The following WDR70 variants were observed in gnomAD, a reference collection of about 807,000 sequenced individuals.
WDR70 encodes the protein WD repeat-containing protein 70.
A neutral mutation model predicts 88.6 loss-of-function variants in WDR70; 53 were observed. That is an observed-to-expected ratio of 0.60 (90% CI 0.48 to 0.75). The LOEUF (loss-of-function observed/expected upper bound fraction) is 0.75, where lower values mean the gene tolerates loss of function less well. Ranked by LOEUF, WDR70 falls within the 30% of genes least tolerant of loss-of-function variation. The probability of loss-of-function intolerance (pLI) is 0.00; values close to 1 mark genes in which losing one functional copy is unlikely to be tolerated. For synonymous variants in WDR70, 280 were observed against 270.0 expected (o/e 1.04, Z -0.36); for missense variants, 610 against 823.2 (o/e 0.74, Z 3.17).
intron 5 of WDR70, among the ~76,000 whole-genome samples, chr5:37,418,243 A>G (rs897159917): frequency 1.3e-5 from 2 of 152,160 alleles, no homozygotes; most frequent in Admixed American, 1.3e-4. Context: ...GATTAAATAA[A>G]CCTTGACCTA....
intron 17 of WDR70, among the ~76,000 whole-genome samples, chr5:37,731,266 T>G (rs1012933796): frequency 3.9e-5 from 6 of 152,304 alleles, no homozygotes; most frequent in Admixed American, 6.5e-5. Flanking sequence ...CTAAAAGGAT[T>G]TGAGGCAATC....
intron 10 of WDR70, among the ~76,000 whole-genome samples, chr5:37,666,325 A>T (rs928026154): frequency 5.9e-5 from 9 of 152,306 alleles, no homozygotes; most frequent in Non-Finnish European, 1.3e-4. Context: ...GTGATATCAT[A>T]TAAAGGGCAA....
intron 10 of WDR70, among the ~76,000 whole-genome samples, chr5:37,665,023 A>G (rs1480290736): frequency 6.6e-6 from 1 of 152,212 alleles, no homozygotes; most frequent in Non-Finnish European, 1.5e-5. Context: ...TCTTTTGTTC[A>G]TATTGTCAAG....
chr5:37,418,411 C>T (rs1749827947), intron 5 of WDR70, among the ~76,000 whole-genome samples: 1 of 152,124 alleles, frequency 6.6e-6, no homozygotes, highest in South Asian at 2.1e-4. Context: ...GCTCCGCCTC[C>T]CGGGTTCATG....
At chr5:37,690,997 A>G (rs556900006) in intron 10 of WDR70, among the ~76,000 whole-genome samples, 1 of 152,330 alleles carries the variant, frequency 6.6e-6, no homozygotes, top group African/African-American at 2.4e-5. Flanking sequence ...ATGAAGAGAC[A>G]CACATAGGCT....
At position 37,391,543 on chromosome 5, in the gene WDR70, T is replaced by C. The variant is rs568951127; in HGVS notation, c.176-457T>C. On this transcript the variant is annotated intron_variant, in intron 3 of 17. Transcript: ENST00000265107. ...TTTGTTTTTCTGTGAGTGGTCTGTC[T>C]CACTTAGCATAGTGTCCTCAAGGTT... is the stretch of plus-strand genomic sequence containing the variant. Among the ~76,000 whole-genome samples, 7 of 152,366 alleles carry C rather than the reference T, an allele frequency of 4.6e-5. No individual in the cohort carries two copies. The South Asian group carries it at 1.4e-3, about 32-fold the overall frequency.
chr5:37,536,790 T>C (rs986427132), intron 9 of WDR70, among the ~76,000 whole-genome samples: 2 of 152,152 alleles, frequency 1.3e-5, no homozygotes, highest in African/African-American at 4.8e-5. Context: ...TTCTGCTCTA[T>C]TTAGGAATTT....
rs1016730688 is a variant in WDR70 at position 37,745,900 on chromosome 5, G to A, written c.1878-6586G>A. Among the ~76,000 whole-genome samples the A allele has an allele frequency of 2.2e-4, 34 of 152,112 alleles. 1 individual carries two copies. The highest frequency in any genetic ancestry group is 7.4e-5 in the Non-Finnish European group (5 of 68,018). ...AAATTAACAAGGAAATTCAGGACTTGAACTCAGCTCTCGATCAAATGGACC... is the reference window on the plus strand; with the variant it reads ...AAATTAACAAGGAAATTCAGGACTTAAACTCAGCTCTCGATCAAATGGACC... On this transcript the variant is annotated intron_variant, in intron 17 of 17. Coordinates refer to ENST00000265107, the MANE Select transcript of WDR70 (RefSeq NM_018034.4).
chr5:37,438,870 T>C (rs1581278203), intron 6 of WDR70, among the ~76,000 whole-genome samples: 1 of 151,630 alleles, frequency 6.6e-6, no homozygotes, highest in African/African-American at 2.4e-5. Context: ...GTGATACATA[T>C]AACTCACATA....
At chr5:37,481,709 T>C (rs12188658) in intron 8 of WDR70, among the ~76,000 whole-genome samples, 33,065 of 152,140 alleles carry the variant, frequency 0.22, 4,340 homozygotes, top group East Asian at 0.48. Context: ...TGATTAACAT[T>C]TGGCTCCTCA....
At chr5:37,504,318 C>T (rs944663415) in intron 8 of WDR70, among the ~76,000 whole-genome samples, 4 of 151,680 alleles carry the variant, frequency 2.6e-5, no homozygotes, top group Non-Finnish European at 5.9e-5. Flanking sequence ...TGATACAGTA[C>T]CATTCTGTCT....
intron 10 of WDR70, among the ~76,000 whole-genome samples, chr5:37,651,731 T>C (rs866504356): frequency 2.6e-5 from 4 of 152,252 alleles, no homozygotes; most frequent in African/African-American, 7.2e-5. Context: ...TTTTTTCATA[T>C]GTTTGTTGGC....
At chr5:37,527,927 A>G (rs1741348670) in intron 9 of WDR70, among the ~76,000 whole-genome samples, 1 of 152,240 alleles carries the variant, frequency 6.6e-6, no homozygotes, top group Admixed American at 6.5e-5. Flanking sequence ...AACCACAATG[A>G]GATACCATCT....
chr5:37,605,270 C>T, intron 10 of WDR70, 32 bp downstream of exon 10: 1 of 1,550,130 alleles, frequency 6.5e-7, no homozygotes, highest in South Asian at 1.3e-5. Flanking sequence ...AACATGGCCA[C>T]CTTAAATCTT....
At chr5:37,384,175 T>C (rs1214980514) in intron 3 of WDR70, among the ~76,000 whole-genome samples, 107 of 2,676 alleles carry the variant, frequency 0.04, no homozygotes, top group East Asian at 0.3. Context: ...TTTCCCCCCT[T>C]TTTTTTTTTT....
At chr5:37,443,525 G>A (rs1738346393) in intron 7 of WDR70, among the ~76,000 whole-genome samples, 153 bp downstream of exon 7, 1 of 152,190 alleles carries the variant, frequency 6.6e-6, no homozygotes, top group Admixed American at 6.5e-5. Flanking sequence ...TTTAAATGAA[G>A]TAAAACGAGC....
intron 10 of WDR70, among the ~76,000 whole-genome samples, chr5:37,637,347 A>T (rs1205488697): frequency 1.8e-5 from 2 of 111,034 alleles, no homozygotes; most frequent in African/African-American, 1.4e-4. Context: ...AATTAAATAA[A>T]TAAATAAATA....
chr5:37,485,858 A>ATTTTTTTTTTTT (rs57109943), intron 8 of WDR70, among the ~76,000 whole-genome samples: 16 of 108,280 alleles, frequency 1.5e-4, no homozygotes, highest in African/African-American at 3.5e-4. Flanking sequence ...TGCCTGGCTA[A>ATTTTTTTTTTTT]TTTTTTTTTT....
chr5:37,408,442 C>G (rs1749422853), intron 5 of WDR70, among the ~76,000 whole-genome samples: 1 of 151,992 alleles, frequency 6.6e-6, no homozygotes, highest in South Asian at 2.1e-4. Flanking sequence ...CCACTGCACT[C>G]CAGCTTGGGA....
Sources: gnomAD v4.1 joint callset for allele counts (sites outside exome capture counted in the v4.1 genomes callset) on GRCh38, gnomAD v4.1.1 for gene constraint, MANE v1.5 for transcripts, NCBI Gene and HGNC (gene_info 2026-07-23, HGNC 2026-07-21) for gene names.